The following ACSF2 variants were observed in gnomAD, a reference collection of about 807,000 sequenced individuals.
ACSF2 encodes the protein acyl-CoA synthetase family member 2.
Under a neutral mutation model 79.3 loss-of-function variants are expected in ACSF2, and 52 were observed. The ratio of observed to expected loss-of-function variants is 0.66; its 90% CI spans 0.53 to 0.83. The LOEUF (loss-of-function observed/expected upper bound fraction) is 0.83, where lower values mean the gene tolerates loss of function less well. ACSF2 is among the 40% of genes least tolerant of loss of function. The probability of loss-of-function intolerance (pLI) is 0.00; values close to 1 mark genes in which losing one functional copy is unlikely to be tolerated. For synonymous variants in ACSF2, 283 were observed against 312.6 expected, an observed-to-expected ratio of 0.91 and a Z score of 1.00; for missense variants, 661 against 803.3, an observed-to-expected ratio of 0.82 and a Z score of 2.14.
At chr17:50,436,859 A>G (rs1252443909) in intron 1 of ACSF2, among the ~76,000 whole-genome samples, 1 of 152,146 alleles carries the variant, frequency 6.6e-6, no homozygotes, top group Non-Finnish European at 1.5e-5. Context: ...TATTTGTCAC[A>G]ACAGCACCTT....
intron 1 of ACSF2, among the ~76,000 whole-genome samples, chr17:50,459,142 C>T (rs989211296): frequency 1.3e-5 from 2 of 152,244 alleles, no homozygotes; most frequent in African/African-American, 2.4e-5. Flanking sequence ...GGCCTGTTCA[C>T]GCTTGAACGT....
At position 50,436,866 on chromosome 17, in the gene ACSF2, C is replaced by A. The variant is rs965012810; in HGVS notation, c.128+10477C>A. The stretch of plus-strand genomic sequence containing the variant: ...TGGGATTTTATTTGTCACAACAGCA[C>A]CTTTGTCTTGAACAATAGTTGCACA... On this transcript the variant is annotated intron_variant, in intron 1 of 15. Coordinates refer to ENST00000300441, the MANE Select transcript of ACSF2 (RefSeq NM_025149.6). Among the ~76,000 whole-genome samples, 5 of 151,982 alleles carry A rather than the reference C, an allele frequency of 3.3e-5. No individual in the cohort carries two copies. The South Asian group carries it at 6.2e-4, about 19-fold the overall frequency.
chr17:50,468,551 C>CG lies in ACSF2; in HGVS notation c.1216-2475dup, dbSNP rs1467505264. ...GCGGAAGGCACCGGCGGCCACCTCG[C>CG]GGATCTGGCAGTGCTGCAGGTGCAA... On this transcript the variant is annotated intron_variant, in intron 10 of 15. Transcript: ENST00000300441. 2.5e-6 allele frequency: 4 copies of CG among 1,614,120 alleles called. No homozygotes were observed. In the African/African-American group the frequency reaches 5.3e-5, roughly 22 times the overall value.
intron 1 of ACSF2, among the ~76,000 whole-genome samples, chr17:50,447,110 TACCC>T (rs1489472153): frequency 9.2e-5 from 14 of 152,224 alleles, no homozygotes; most frequent in Non-Finnish European, 1.6e-4. Context: ...CTCACAGAGT[TACCC>T]TATGTCCTTG....
intron 1 of ACSF2, chr17:50,450,289 C>G (rs2031586204): frequency 6.6e-6 from 1 of 152,322 alleles, no homozygotes; most frequent in African/African-American, 2.4e-5. Flanking sequence ...CACTTGAGGT[C>G]AAGAGTTTGA....
At chr17:50,448,569 T>C (rs1359211235) in intron 1 of ACSF2, among the ~76,000 whole-genome samples, 1 of 152,138 alleles carries the variant, frequency 6.6e-6, no homozygotes, top group African/African-American at 2.4e-5. Flanking sequence ...GGAATGAGCA[T>C]TGCAATGAGG....
At chr17:50,462,964 A>G in intron 6 of ACSF2, 192 bp from the exon 7 acceptor site, 1 of 612,348 alleles carries the variant, frequency 1.6e-6, no homozygotes. Context: ...ATGAGAACGG[A>G]GACCTTATCT....
rs138434188 is a variant in ACSF2 at position 50,462,521 on chromosome 17, A to G, written c.728A>G (p.Asp243Gly). The G allele has an allele frequency of 6.2e-7, 1 of 1,613,540 alleles. No homozygotes were observed. Among genetic ancestry groups the G allele is most frequent in the African/African-American group, 1.3e-5 (1 of 74,762 alleles). Residue 243 changes from aspartate (D) to glycine (G), a missense_variant, in exon 6 of 16, where the codon GAC becomes GGC. Asp to Gly is a moderately conservative substitution (Grantham distance 94). Transcript: ENST00000300441. ...VAAGSTRQHL[D>G]QLQYNQQFLS... ...GCTGGCAGCACACGGCAGCATCTGGACCAGCTCCAATACAACCAGCAGTTC... is the reference window on the plus strand; with the variant it reads ...GCTGGCAGCACACGGCAGCATCTGGGCCAGCTCCAATACAACCAGCAGTTC...
intron 1 of ACSF2, among the ~76,000 whole-genome samples, chr17:50,459,398 AC>A (rs11340840): frequency 0.027 from 4,132 of 152,124 alleles, 202 homozygotes; most frequent in African/African-American, 0.093. Context: ...GCGCCACCAT[AC>A]CTGGTTAATT....
intron 6 of ACSF2, chr17:50,462,952 G>A: frequency 1.7e-6 from 1 of 599,278 alleles, no homozygotes; most frequent in South Asian, 2.1e-5. Flanking sequence ...CATGTAAGTG[G>A]CATGAGAACG....
chr17:50,452,758 G>A (rs190414684), intron 1 of ACSF2, among the ~76,000 whole-genome samples: 213 of 152,276 alleles, frequency 1.4e-3, no homozygotes, highest in Middle Eastern at 6.8e-3. Flanking sequence ...GGGCAAGGAA[G>A]GAGAATTGGT....
At chr17:50,432,662 G>A (rs1179386273) in intron 1 of ACSF2, among the ~76,000 whole-genome samples, 4 of 152,208 alleles carry the variant, frequency 2.6e-5, no homozygotes, top group African/African-American at 4.8e-5. Context: ...AACTAAACAT[G>A]TTGTATTTCT....
chr17:50,467,969 G>A (rs2032848301), intron 10 of ACSF2: 1 of 1,465,846 alleles, frequency 6.8e-7, no homozygotes, highest in South Asian at 1.4e-5. Context: ...GGTGCCAGCT[G>A]TGGCCCTGGC....
intron 10 of ACSF2, chr17:50,465,053 C>T: frequency 1.9e-6 from 1 of 535,712 alleles, no homozygotes; most frequent in Non-Finnish European, 3.3e-6. Context: ...TCAGAACCTG[C>T]AAAGAGGCAA....
chr17:50,434,907 G>C (rs2030265282), intron 1 of ACSF2, among the ~76,000 whole-genome samples: 1 of 150,740 alleles, frequency 6.6e-6, no homozygotes, highest in South Asian at 2.1e-4. Flanking sequence ...TTTCACTGTT[G>C]TTGCCCAGGC....
intron 10 of ACSF2, chr17:50,468,742 G>A: frequency 6.2e-7 from 1 of 1,605,984 alleles, no homozygotes; most frequent in African/African-American, 1.3e-5. Flanking sequence ...GGCAGTTCTG[G>A]GGGCAGGCGG....
At chr17:50,459,090 G>T (rs2032185796) in intron 1 of ACSF2, among the ~76,000 whole-genome samples, 1 of 152,246 alleles carries the variant, frequency 6.6e-6, no homozygotes, top group African/African-American at 2.4e-5. Flanking sequence ...TAAAATGCCT[G>T]TCGACTACAG....
chr17:50,431,809 A>G (rs2029950535), intron 1 of ACSF2, among the ~76,000 whole-genome samples: 1 of 152,310 alleles, frequency 6.6e-6, no homozygotes, highest in Middle Eastern at 3.4e-3. Context: ...ACTTCAATCT[A>G]CAGATGAAAC....
chr17:50,428,188 C>CA (rs1567833047), intron 1 of ACSF2, among the ~76,000 whole-genome samples: 1 of 152,084 alleles, frequency 6.6e-6, no homozygotes. Context: ...AACCTAGACT[C>CA]AAAAAATAAA....
Sources: allele counts gnomAD v4.1 joint callset (sites outside exome capture counted in the v4.1 genomes callset), GRCh38; gene constraint gnomAD v4.1.1; transcripts MANE v1.5; gene names NCBI Gene and HGNC (gene_info 2026-07-23, HGNC 2026-07-21).